The following NEGR1 variants were observed in gnomAD, a reference collection of about 807,000 sequenced individuals.
The protein encoded by NEGR1 is neuronal growth regulator 1.
In NEGR1, 10 loss-of-function variants were observed where a neutral mutation model predicts 40.9. The ratio of observed to expected loss-of-function variants is 0.24; its 90% CI spans 0.15 to 0.42. NEGR1 has a LOEUF of 0.42. Among genes scored for constraint, NEGR1 ranks in the 10% least tolerant of loss-of-function variants. The pLI is 1.00. For synonymous variants in NEGR1, 185 were observed against 166.8 expected (o/e 1.11, Z -0.84); for missense variants, 352 against 438.9 (o/e 0.80, Z 1.77).
At chr1:71,581,765 T>G (rs1384303736) in intron 6 of NEGR1, among the ~76,000 whole-genome samples, 1 of 151,784 alleles carries the variant, frequency 6.6e-6, no homozygotes, top group African/African-American at 2.4e-5. Context: ...TGCAGTGGCG[T>G]GTTCTCGGCT....
intron 6 of NEGR1, among the ~76,000 whole-genome samples, chr1:71,437,718 G>T (rs539703284): frequency 6.6e-6 from 1 of 152,102 alleles, no homozygotes; most frequent in Non-Finnish European, 1.5e-5. Context: ...AGAGGGAAGG[G>T]TATCATTAAT....
intron 1 of NEGR1, among the ~76,000 whole-genome samples, chr1:72,055,155 C>T (rs1423586201): frequency 1.3e-5 from 2 of 151,032 alleles, no homozygotes; most frequent in Non-Finnish European, 3.0e-5. Context: ...ATGCCAAATA[C>T]TATATATTTT....
intron 6 of NEGR1, among the ~76,000 whole-genome samples, chr1:71,579,741 C>A (rs1034932475): frequency 2.6e-5 from 4 of 151,740 alleles, no homozygotes; most frequent in East Asian, 1.9e-4. Context: ...GGATTTGGAA[C>A]CTATTGTGAT....
rs925250476 is a variant in NEGR1 at position 71,404,641 on chromosome 1, A to G, written c.*2805T>C. The G allele has an allele frequency of 2.1e-5, 3 of 142,488 alleles. No homozygotes were observed. Among genetic ancestry groups the G allele is most frequent in the Non-Finnish European group, 4.6e-5 (3 of 65,408 alleles). The allele number at this position is 142,488 out of a possible 1,614,324, so 8.8% of individuals were successfully genotyped here. Reference sequence around the variant, plus strand: ...TTTTCATTCTTTTTCTTTTCTCTCCATTCTCATTTTTAAACTGCTACTTAT... The same window carrying G: ...TTTTCATTCTTTTTCTTTTCTCTCCGTTCTCATTTTTAAACTGCTACTTAT... On this transcript the variant is annotated 3_prime_UTR_variant, in exon 7 of 7. Transcript: ENST00000357731.
intron 1 of NEGR1, among the ~76,000 whole-genome samples, chr1:72,169,068 A>C (rs189261034): frequency 1.3e-5 from 2 of 152,292 alleles, no homozygotes; most frequent in East Asian, 3.9e-4. Context: ...AAGATATAAC[A>C]ATTTTTAAAT....
At chr1:71,734,654 C>T (rs1654990658) in intron 3 of NEGR1, among the ~76,000 whole-genome samples, 1 of 152,012 alleles carries the variant, frequency 6.6e-6, no homozygotes, top group Non-Finnish European at 1.5e-5. Flanking sequence ...CTCCTTATTG[C>T]CACACTTCCT....
chr1:71,707,125 A>G (rs201041616), intron 3 of NEGR1, among the ~76,000 whole-genome samples: 27 of 38,560 alleles, frequency 7.0e-4, no homozygotes, highest in Non-Finnish European at 1.2e-4. Flanking sequence ...AAAGCAAAGG[A>G]AAAAAAGGGG....
intron 4 of NEGR1, among the ~76,000 whole-genome samples, chr1:71,664,583 T>A (rs1038094475): frequency 1.3e-5 from 2 of 152,150 alleles, no homozygotes; most frequent in Admixed American, 6.6e-5. Context: ...TGTGTCAGAT[T>A]TGCTATTTTG....
intron 2 of NEGR1, among the ~76,000 whole-genome samples, chr1:71,865,342 C>T (rs1253952772): frequency 1.3e-5 from 2 of 152,068 alleles, no homozygotes; most frequent in Admixed American, 1.3e-4. Context: ...ACCAAAATGC[C>T]CATCAATGAT....
chr1:71,690,397 A>C (rs4650118), intron 4 of NEGR1, among the ~76,000 whole-genome samples: 18 of 151,608 alleles, frequency 1.2e-4, no homozygotes, highest in Middle Eastern at 6.8e-3. Context: ...GTTATAAACT[A>C]TATGTTTGTA....
At chr1:71,444,313 C>G (rs1294301677) in intron 6 of NEGR1, among the ~76,000 whole-genome samples, 2 of 152,004 alleles carry the variant, frequency 1.3e-5, no homozygotes, top group African/African-American at 4.8e-5. Context: ...AGTACTCAAC[C>G]CCACATTAGA....
intron 6 of NEGR1, chr1:71,486,297 GT>G (rs918073559): frequency 6.6e-6 from 1 of 151,364 alleles, no homozygotes; most frequent in Admixed American, 6.6e-5. Context: ...AAATCAGATT[GT>G]GTTTTTATTG....
At chr1:71,976,817 G>GA (rs1646309014) in intron 1 of NEGR1, among the ~76,000 whole-genome samples, 1 of 151,848 alleles carries the variant, frequency 6.6e-6, no homozygotes, top group African/African-American at 2.4e-5. Flanking sequence ...ATGTCAACAA[G>GA]AAAAAAACAG....
chr1:71,461,595 T>A (rs1488543880), intron 6 of NEGR1: 2 of 152,192 alleles, frequency 1.3e-5, no homozygotes, highest in Admixed American at 1.3e-4. Context: ...GAACACACTG[T>A]TTGCTTATGT....
intron 4 of NEGR1, among the ~76,000 whole-genome samples, chr1:71,626,139 T>G (rs1311102624): frequency 6.6e-6 from 1 of 151,788 alleles, no homozygotes; most frequent in Non-Finnish European, 1.5e-5. Flanking sequence ...ACAAAACCAC[T>G]CTGGTACCAA....
chr1:71,807,053 C>G (rs372668158), intron 2 of NEGR1, among the ~76,000 whole-genome samples: 1 of 151,726 alleles, frequency 6.6e-6, no homozygotes, highest in Non-Finnish European at 1.5e-5. Context: ...CCACAATGCC[C>G]GGCTAATTTT....
chr1:71,789,616 T>C (rs1657038502), intron 2 of NEGR1, among the ~76,000 whole-genome samples: 1 of 152,118 alleles, frequency 6.6e-6, no homozygotes, highest in Non-Finnish European at 1.5e-5. Flanking sequence ...AATATTTTCA[T>C]ATCCCAGATA....
At chr1:71,497,407 T>C (rs1646971419) in intron 6 of NEGR1, among the ~76,000 whole-genome samples, 1 of 152,162 alleles carries the variant, frequency 6.6e-6, no homozygotes, top group Non-Finnish European at 1.5e-5. Flanking sequence ...ATTTCTCTTT[T>C]AAACAGAAAC....
chr1:71,475,452 T>C (rs1476305958), intron 6 of NEGR1, among the ~76,000 whole-genome samples: 1 of 152,078 alleles, frequency 6.6e-6, no homozygotes, highest in Non-Finnish European at 1.5e-5. Context: ...ATTTTTGTGA[T>C]AATAAAACAT....
Sources: allele counts gnomAD v4.1 joint callset (sites outside exome capture counted in the v4.1 genomes callset), GRCh38; gene constraint gnomAD v4.1.1; transcripts MANE v1.5; gene names NCBI Gene and HGNC (gene_info 2026-07-23, HGNC 2026-07-21).